The following SLC39A11 variants were observed in gnomAD, a reference collection of about 807,000 sequenced individuals.
The protein encoded by SLC39A11 is zinc transporter ZIP11.
A neutral mutation model predicts 36.1 loss-of-function variants in SLC39A11; 33 were observed. That is an observed-to-expected ratio of 0.91 (90% confidence interval 0.69 to 1.22). The LOEUF (loss-of-function observed/expected upper bound fraction) is 1.22, where lower values mean the gene tolerates loss of function less well. Ranked by LOEUF, SLC39A11 falls within the 50% of genes most tolerant of loss-of-function variation. SLC39A11 has a pLI of 0.00. For synonymous variants in SLC39A11, 166 were observed against 170.3 expected, an observed-to-expected ratio of 0.97 and a Z score of 0.20; for missense variants, 432 against 430.3, an observed-to-expected ratio of 1.00 and a Z score of -0.03.
chr17:72,952,752 C>T lies in SLC39A11; in HGVS notation c.307-4877G>A, dbSNP rs541605445. On this transcript the variant is annotated intron_variant, in intron 4 of 9. Coordinates refer to ENST00000255559, the MANE Select transcript of SLC39A11 (RefSeq NM_139177.4). ...CTCAATCCTTATAGCCCTGCAAGGT[C>T]GGCAAAGTGCGAGCGTGATCCTTCT... Among the ~76,000 whole-genome samples, 70 of 152,318 alleles carry T rather than the reference C, an allele frequency of 4.6e-4. 1 individual carries two copies. Among genetic ancestry groups the T allele is most frequent in the South Asian group, 2.5e-3 (12 of 4,826 alleles).
chr17:73,024,864 A>ATTTTTTTTTTTTTTTTTTTTT (rs1163840820), intron 4 of SLC39A11, among the ~76,000 whole-genome samples: 7 of 97,900 alleles, frequency 7.2e-5, no homozygotes, highest in Non-Finnish European at 7.7e-5. Flanking sequence ...TGCCCAGCTA[A>ATTTTTTTTTTTTTTTTTTTTT]TTTTTTTTTT....
intron 7 of SLC39A11, among the ~76,000 whole-genome samples, chr17:72,689,694 A>G (rs1397652214): frequency 3.9e-5 from 6 of 152,196 alleles, no homozygotes; most frequent in Admixed American, 3.9e-4. Context: ...CCAGACACGA[A>G]CGGTCACATA....
At chr17:73,054,376 C>CAA (rs797008667) in intron 3 of SLC39A11, among the ~76,000 whole-genome samples, 36 of 139,700 alleles carry the variant, frequency 2.6e-4, no homozygotes, top group African/African-American at 8.0e-4. Flanking sequence ...AACAAAAAAA[C>CAA]AAAAAAAAAA....
intron 7 of SLC39A11, among the ~76,000 whole-genome samples, chr17:72,699,238 T>A (rs897839853): frequency 2.6e-5 from 4 of 152,144 alleles, no homozygotes; most frequent in East Asian, 1.9e-4. Flanking sequence ...GGGCCACACA[T>A]AAAATACACT....
At chr17:73,024,614 A>G (rs1185403127) in intron 4 of SLC39A11, among the ~76,000 whole-genome samples, 2 of 152,208 alleles carry the variant, frequency 1.3e-5, no homozygotes, top group African/African-American at 4.8e-5. Flanking sequence ...TGCCTCTTGG[A>G]ACATCTGTCA....
At chr17:72,669,078 G>A (rs1411098575) in intron 7 of SLC39A11, among the ~76,000 whole-genome samples, 2 of 152,174 alleles carry the variant, frequency 1.3e-5, no homozygotes, top group Non-Finnish European at 2.9e-5. Flanking sequence ...CAGTATATTC[G>A]ATAATTTTAT....
chr17:72,924,894 C>T (rs549222634), intron 5 of SLC39A11, among the ~76,000 whole-genome samples: 4 of 148,966 alleles, frequency 2.7e-5, no homozygotes, highest in Non-Finnish European at 4.4e-5. Flanking sequence ...CCCAGCTGCT[C>T]GGGAGGCTGA....
intron 3 of SLC39A11, among the ~76,000 whole-genome samples, chr17:73,063,979 C>CT (rs2059922766): frequency 1.3e-5 from 2 of 152,292 alleles, no homozygotes; most frequent in Non-Finnish European, 2.9e-5. Flanking sequence ...TTTTTCCACA[C>CT]TCCTGGAGAA....
At chr17:72,698,459 C>CAAAAA (rs61454778) in intron 7 of SLC39A11, among the ~76,000 whole-genome samples, 6 of 92,988 alleles carry the variant, frequency 6.5e-5, no homozygotes, top group East Asian at 4.0e-4. Context: ...TAATAAAAAC[C>CAAAAA]AAAAAAAAAA....
At chr17:72,674,172 C>A (rs1186045906) in intron 7 of SLC39A11, among the ~76,000 whole-genome samples, 2 of 152,150 alleles carry the variant, frequency 1.3e-5, no homozygotes, top group African/African-American at 2.4e-5. Context: ...TGCCACATAC[C>A]CTCTCTAGGT....
chr17:72,744,132 G>C (rs2074831790), intron 6 of SLC39A11, among the ~76,000 whole-genome samples: 1 of 152,176 alleles, frequency 6.6e-6, no homozygotes, highest in South Asian at 2.1e-4. Context: ...GATAAACCCA[G>C]GCTCAAATCT....
intron 5 of SLC39A11, among the ~76,000 whole-genome samples, chr17:72,896,552 A>G (rs1424691432): frequency 6.6e-6 from 1 of 152,048 alleles, no homozygotes; most frequent in Non-Finnish European, 1.5e-5. Flanking sequence ...CTGTACCCCA[A>G]CAGCGTACCG....
intron 4 of SLC39A11, among the ~76,000 whole-genome samples, chr17:72,973,983 T>G (rs1189027805): frequency 1.3e-5 from 2 of 152,188 alleles, no homozygotes; most frequent in Non-Finnish European, 2.9e-5. Context: ...AAGTCAACAG[T>G]GGGTGACATA....
intron 5 of SLC39A11, among the ~76,000 whole-genome samples, chr17:72,923,067 A>T (rs1055320552): frequency 6.8e-6 from 1 of 147,922 alleles, no homozygotes; most frequent in Non-Finnish European, 1.5e-5. Context: ...GTGTGATTTT[A>T]TCTTATCAGT....
At chr17:73,038,383 C>A (rs2058994261) in intron 3 of SLC39A11, among the ~76,000 whole-genome samples, 1 of 151,768 alleles carries the variant, frequency 6.6e-6, no homozygotes, top group South Asian at 2.1e-4. Flanking sequence ...CAAAGTGATT[C>A]CCAGGCAAGG....
intron 6 of SLC39A11, among the ~76,000 whole-genome samples, chr17:72,804,096 C>T (rs375173125): frequency 1.5e-3 from 226 of 152,174 alleles, no homozygotes; most frequent in African/African-American, 5.0e-3. Context: ...CCTGGGTTCA[C>T]GCCATTCTCC....
At chr17:72,717,843 A>G (rs2073472929) in intron 7 of SLC39A11, among the ~76,000 whole-genome samples, 1 of 152,176 alleles carries the variant, frequency 6.6e-6, no homozygotes, top group Non-Finnish European at 1.5e-5. Context: ...GACCCTGCAC[A>G]TCGGCTGTCT....
At chr17:72,683,465 A>G (rs1395686083) in intron 7 of SLC39A11, among the ~76,000 whole-genome samples, 1 of 151,374 alleles carries the variant, frequency 6.6e-6, no homozygotes, top group Admixed American at 6.6e-5. Flanking sequence ...CCCCTAGGGT[A>G]GCTGGGACTA....
intron 7 of SLC39A11, among the ~76,000 whole-genome samples, chr17:72,710,819 G>A (rs59693801): frequency 0.026 from 3,927 of 152,144 alleles, 177 homozygotes; most frequent in African/African-American, 0.089. Flanking sequence ...TAAAATTAGG[G>A]GAAATTCTGC....
Sources: gnomAD v4.1 joint callset for allele counts (sites outside exome capture counted in the v4.1 genomes callset) on GRCh38, gnomAD v4.1.1 for gene constraint, MANE v1.5 for transcripts, NCBI Gene and HGNC (gene_info 2026-07-23, HGNC 2026-07-21) for gene names.